Variants in TEX55 observed in about 807,000 individuals in gnomAD.
TEX55 encodes testis-specific expressed protein 55.
TEX55 carries 31 observed loss-of-function variants against 44.6 expected under a neutral mutation model. The ratio of observed to expected loss-of-function variants is 0.69; its 90% CI spans 0.52 to 0.94. The LOEUF (loss-of-function observed/expected upper bound fraction) is 0.94, where lower values mean the gene tolerates loss of function less well. Ranked by LOEUF, TEX55 falls within the 40% of genes least tolerant of loss-of-function variation. The pLI is 0.00. For missense variants in TEX55, 639 were observed against 638.4 expected, an observed-to-expected ratio of 1.00 and a Z score of -0.01; for synonymous variants, 230 against 230.9, an observed-to-expected ratio of 1.00 and a Z score of 0.04.
chr3:119,148,121 C>T lies in TEX55; in HGVS notation c.1399-59C>T. The T allele has an allele frequency of 6.2e-6, 9 of 1,455,862 alleles. 1 individual carries two copies. In the South Asian group the frequency reaches 1.0e-4, roughly 16 times the overall value. 90.2% of individuals were successfully genotyped at this position (1,455,862 alleles called of 1,614,324 possible). A position where few individuals can be genotyped will look rare whatever the true frequency, so the allele number is the denominator to read the frequency against. ...CAACATCAGGTTTCACTGATAATGA[C>T]AATTCCTAGGCCCTTCAGGTTTACT... On this transcript the variant is annotated intron_variant, in intron 1 of 2. Coordinates refer to ENST00000295622, the MANE Select transcript of TEX55 (RefSeq NM_152539.3).
chr3:119,150,060 T>A (rs2107558529), intron 2 of TEX55, among the ~76,000 whole-genome samples: 1 of 152,302 alleles, frequency 6.6e-6, no homozygotes, highest in Non-Finnish European at 1.5e-5. Flanking sequence ...AAATCCTAAC[T>A]TTGCACTTCT....
chr3:119,146,271 A>T lies in TEX55; in HGVS notation c.82A>T (p.Lys28Ter). The T allele has an allele frequency of 6.2e-7, 1 of 1,613,746 alleles. No homozygotes were observed. Among genetic ancestry groups the T allele is most frequent in the Non-Finnish European group, 8.5e-7 (1 of 1,179,868 alleles). ...PAAPSSAGHT[K>*]GQEEDDQKNQ... ...CGCTCCCTCAAGTGCTGGCCACACT[A>T]AGGGCCAGGAAGAAGACGACCAGAA... The change falls in exon 1 of 3, where the codon AAG becomes TAG. Residue 28 changes from lysine (K) to a stop codon, truncating the protein, a stop_gained. Transcript: ENST00000295622. LOFTEE classifies it high-confidence loss of function.
Position 119,147,543 on chromosome 3 carries a change from T to C in TEX55, c.1354T>C (p.Tyr452His), listed in dbSNP as rs200587463. 6.2e-7 allele frequency: 1 copy of C among 1,613,916 alleles called. No homozygotes were observed. The highest frequency in any genetic ancestry group is 1.3e-5 in the African/African-American group (1 of 75,002). The change falls in exon 1 of 3, where the codon TAT becomes CAT. Residue 452 changes from tyrosine to histidine, a missense_variant. By Grantham distance (83) the Tyr-to-His change is moderately conservative. Transcript: ENST00000295622. ...RLPSISSKLNYTSSQEKTQAI... is the reference protein window; with the variant it reads ...RLPSISSKLNHTSSQEKTQAI... ...CCCCTCCATCTCATCCAAATTGAAC[T>C]ATACCAGCAGTCAAGAAAAAACTCA...
intron 1 of TEX55, 47 bp downstream of exon 1, chr3:119,147,634 A>C (rs1450274982): frequency 6.6e-7 from 1 of 1,516,132 alleles, no homozygotes; most frequent in Admixed American, 1.8e-5. Flanking sequence ...TCAGAGATCT[A>C]GACGGGGCCT....
In TEX55 at chr3:119,147,134, T is replaced by A. The variant is rs923433859; in HGVS notation, c.945T>A (p.Thr315=). ...KTHHQVYGQA[T]ELAEHQAIDQ... ...ACCACCAAGTGTACGGCCAAGCCAC[T>A]GAACTAGCTGAACACCAGGCTATTG... The change falls in exon 1 of 3, where the codon ACT becomes ACA. Residue 315 remains threonine, a synonymous_variant. Transcript: ENST00000295622. 6.2e-6 allele frequency: 10 copies of A among 1,614,056 alleles called. No homozygotes were observed. In the African/African-American group the frequency reaches 1.3e-4, roughly 22 times the overall value.
Position 119,146,196 on chromosome 3 carries a change from G to C in TEX55, c.7G>C (p.Glu3Gln). Residue 3 changes from glutamate to glutamine, a missense_variant, in exon 1 of 3, where the codon GAG (glutamate) becomes CAG (glutamine). Transcript: ENST00000295622. ME[E>Q]PPQEALAEPL... ...GTCAGGGACGCGGCAGGAAATGGAAGAGCCTCCGCAAGAGGCTCTGGCTGA... is the reference window on the plus strand; with the variant it reads ...GTCAGGGACGCGGCAGGAAATGGAACAGCCTCCGCAAGAGGCTCTGGCTGA... The C allele has an allele frequency of 1.3e-6, 2 of 1,593,342 alleles. No individual in the cohort carries two copies. Among genetic ancestry groups the C allele is most frequent in the Non-Finnish European group, 1.7e-6 (2 of 1,170,992 alleles).
rs772389838 is a variant in TEX55, at chr3:119,146,474, T to C, written c.285T>C (p.Ala95=). 2 of 1,614,016 alleles carry C rather than the reference T, an allele frequency of 1.2e-6. No individual in the cohort carries two copies. The highest frequency in any genetic ancestry group is 2.7e-5 in the African/African-American group (2 of 74,934). ...GQAGRRASNP[A]DVSDLRADDQ... is the part of the protein sequence containing the mutation. ...CTGGCCGCAGAGCATCCAACCCTGC[T>C]GATGTTTCTGACCTTAGAGCAGATG... Residue 95 remains alanine, a synonymous_variant, in exon 1 of 3, where the codon GCT becomes GCC. Coordinates refer to ENST00000295622, the MANE Select transcript of TEX55 (RefSeq NM_152539.3).
chr3:119,147,675 G>C (rs2077741908), intron 1 of TEX55, 88 bp downstream of exon 1: 1 of 1,053,022 alleles, frequency 9.5e-7, no homozygotes, highest in African/African-American at 1.6e-5. Context: ...CAACGGAAGG[G>C]CACATGTTGC....
In TEX55 at chr3:119,146,265, C is replaced by T; in HGVS notation, c.76C>T (p.His26Tyr). The change falls in exon 1 of 3, where the codon CAC becomes TAC. Residue 26 changes from histidine (H) to tyrosine (Y), a missense_variant. His to Tyr is a moderately conservative substitution (Grantham distance 83). Transcript: ENST00000295622. ...CCCAGCCGCTCCCTCAAGTGCTGGCCACACTAAGGGCCAGGAAGAAGACGA... is the reference window on the plus strand; with the variant it reads ...CCCAGCCGCTCCCTCAAGTGCTGGCTACACTAAGGGCCAGGAAGAAGACGA... ...ESPAAPSSAGHTKGQEEDDQK... is the reference protein window; with the variant it reads ...ESPAAPSSAGYTKGQEEDDQK... The T allele has an allele frequency of 6.2e-7, 1 of 1,613,998 alleles. No homozygotes were observed. The highest frequency in any genetic ancestry group is 8.5e-7 in the Non-Finnish European group (1 of 1,179,978).
intron 2 of TEX55, 67 bp from the exon 3 acceptor site, chr3:119,151,157 C>A: frequency 9.8e-7 from 1 of 1,016,622 alleles, no homozygotes; most frequent in South Asian, 1.3e-5. Flanking sequence ...AAGATAGCAT[C>A]AAATATAACC....
intron 2 of TEX55, 53 bp from the exon 3 acceptor site, chr3:119,151,171 C>G: frequency 5.4e-6 from 6 of 1,104,204 alleles, no homozygotes; most frequent in Non-Finnish European, 8.2e-6. Context: ...TATAACCTGA[C>G]CACATAATTT....
chr3:119,147,222 C>T lies in TEX55; in HGVS notation c.1033C>T (p.Gln345Ter), dbSNP rs769520447. ...VDNAHYTESD[Q>*]TDHLADRQAN... The stretch of plus-strand genomic sequence containing the variant: ...CAATGCTCACTACACTGAATCTGAC[C>T]AGACTGACCACTTAGCAGACAGACA... Residue 345 changes from glutamine to a stop codon, truncating the protein, a stop_gained, in exon 1 of 3, where the codon CAG (glutamine) becomes TAG (stop). Transcript: ENST00000295622. LOFTEE classifies it high-confidence loss of function. 6.2e-6 allele frequency: 10 copies of T among 1,614,166 alleles called. No homozygotes were observed. The highest frequency in any genetic ancestry group is 8.5e-6 in the Non-Finnish European group (10 of 1,180,044).
Position 119,148,208 on chromosome 3 carries a change from A to G in TEX55, c.1427A>G (p.Lys476Arg), listed in dbSNP as rs141099710. The G allele has an allele frequency of 3.7e-6, 6 of 1,605,988 alleles. No individual in the cohort carries two copies. In the Admixed American group the frequency reaches 8.6e-5, roughly 23 times the overall value. ...SDEFSEIDQG[K>R]GYHIRNQTYR... ...GAATTTTCAGAAATTGACCAAGGAAAGGGTTATCATATACGCAATCAAACT... is the reference window on the plus strand; with the variant it reads ...GAATTTTCAGAAATTGACCAAGGAAGGGGTTATCATATACGCAATCAAACT... Residue 476 changes from lysine (K) to arginine (R), a missense_variant, in exon 2 of 3, where the codon AAG (lysine) becomes AGG (arginine). Physicochemically the swap from Lys to Arg is conservative, Grantham distance 26. Transcript: ENST00000295622.
chr3:119,148,341 T>C lies in TEX55; in HGVS notation c.1542+18T>C. On this transcript the variant is annotated intron_variant, in intron 2 of 2. Transcript: ENST00000295622. ...TATTCCAGGTAAACCTCTCAATTCC[T>C]CTCTTTAATTATAAGTTTTTCAAGA... 6.2e-7 allele frequency: 1 copy of C among 1,603,000 alleles called. No individual in the cohort carries two copies. The highest frequency in any genetic ancestry group is 8.5e-7 in the Non-Finnish European group (1 of 1,176,196).
Position 119,146,911 on chromosome 3 carries a change from A to C in TEX55, c.722A>C (p.Gln241Pro), listed in dbSNP as rs913335894. The C allele has an allele frequency of 6.2e-7, 1 of 1,614,098 alleles. No homozygotes were observed. The highest frequency in any genetic ancestry group is 8.5e-7 in the Non-Finnish European group (1 of 1,179,916). Residue 241 changes from glutamine (Q) to proline (P), a missense_variant, in exon 1 of 3, where the codon CAG becomes CCG. Gln to Pro is a moderately conservative substitution (Grantham distance 76). Transcript: ENST00000295622. ...CCATCTGACCAAAGTCCTTCTGTAC[A>C]GATTGACAGTGGATCGTCCGTACCA... ...SVPSDQSPSVQIDSGSSVPSD... is the reference protein window; with the variant it reads ...SVPSDQSPSVPIDSGSSVPSD...
Position 119,146,611 on chromosome 3 carries a change from G to T in TEX55, c.422G>T (p.Arg141Ile), listed in dbSNP as rs552664724. 2 of 1,614,110 alleles carry T rather than the reference G, an allele frequency of 1.2e-6. No homozygotes were observed. The highest frequency in any genetic ancestry group is 1.7e-5 in the Admixed American group (1 of 60,028). The change falls in exon 1 of 3, where the codon AGA becomes ATA. Residue 141 changes from arginine to isoleucine, a missense_variant. Arg to Ile is a moderately conservative substitution (Grantham distance 97). Transcript: ENST00000295622. ...DGQVSGLTEE[R>I]TAEQTERRLP... is the part of the protein sequence containing the mutation. ...CAGGTGTCTGGCCTGACGGAGGAAAGAACTGCTGAACAGACTGAACGAAGA... is the reference window on the plus strand; with the variant it reads ...CAGGTGTCTGGCCTGACGGAGGAAATAACTGCTGAACAGACTGAACGAAGA...
In TEX55 at chr3:119,148,164, G is replaced by T. The variant is rs763651348; in HGVS notation, c.1399-16G>T. 2 of 1,599,512 alleles carry T rather than the reference G, an allele frequency of 1.3e-6. No homozygotes were observed. Among genetic ancestry groups the T allele is most frequent in the African/African-American group, 1.4e-5 (1 of 73,992 alleles). Reference sequence around the variant, plus strand: ...GGTTTACTAAGGACTTTTTGGTGGGGGGATTTAAATTTCAGGATGAATTTT... The same window carrying T: ...GGTTTACTAAGGACTTTTTGGTGGGTGGATTTAAATTTCAGGATGAATTTT... On this transcript the variant is annotated splice_polypyrimidine_tract_variant and intron_variant, in intron 1 of 2. Coordinates refer to ENST00000295622, the MANE Select transcript of TEX55 (RefSeq NM_152539.3).
At position 119,146,980 on chromosome 3, in the gene TEX55, G is replaced by C; in HGVS notation, c.791G>C (p.Gly264Ala). 6.2e-7 allele frequency: 1 copy of C among 1,614,222 alleles called. No individual in the cohort carries two copies. The highest frequency in any genetic ancestry group is 8.5e-7 in the Non-Finnish European group (1 of 1,180,042). Residue 264 changes from glycine (G) to alanine (A), a missense_variant, in exon 1 of 3, where the codon GGG becomes GCG. Transcript: ENST00000295622. ...GTACAGATTGACCGCAGAATGTCAG[G>C]GAAAGTTAGGAGAAGAAGTTCTGAG... The part of the protein sequence containing the change: ...PSVQIDRRMS[G>A]KVRRRSSEKT...
In TEX55 at chr3:119,148,164, G is replaced by C. The variant is rs763651348; in HGVS notation, c.1399-16G>C. The C allele has an allele frequency of 3.1e-6, 5 of 1,599,514 alleles. No individual in the cohort carries two copies. The East Asian group carries it at 9.0e-5, about 29-fold the overall frequency. ...GGTTTACTAAGGACTTTTTGGTGGGGGGATTTAAATTTCAGGATGAATTTT... is the reference window on the plus strand; with the variant it reads ...GGTTTACTAAGGACTTTTTGGTGGGCGGATTTAAATTTCAGGATGAATTTT... On this transcript the variant is annotated splice_polypyrimidine_tract_variant and intron_variant, in intron 1 of 2. Coordinates refer to ENST00000295622, the MANE Select transcript of TEX55 (RefSeq NM_152539.3).
Sources: gnomAD v4.1 joint callset for allele counts (sites outside exome capture counted in the v4.1 genomes callset) on GRCh38, gnomAD v4.1.1 for gene constraint, MANE v1.5 for transcripts, NCBI Gene and HGNC (gene_info 2026-07-23, HGNC 2026-07-21) for gene names.